Variants in MAX observed in about 807,000 individuals in gnomAD.
MAX encodes protein max.
In MAX, 3 loss-of-function variants were observed where a neutral mutation model predicts 22.3. The ratio of observed to expected loss-of-function variants is 0.13; its 90% CI spans 0.06 to 0.35. The LOEUF (loss-of-function observed/expected upper bound fraction) is 0.35, where lower values mean the gene tolerates loss of function less well. Among genes scored for constraint, MAX ranks in the 10% least tolerant of loss-of-function variants. The probability of loss-of-function intolerance (pLI) is 1.00; values close to 1 mark genes in which losing one functional copy is unlikely to be tolerated. For missense variants in MAX, 119 were observed against 209.4 expected (o/e 0.57, Z 2.66); for synonymous variants, 72 against 77.7 (o/e 0.93, Z 0.39).
intron 3 of MAX, among the ~76,000 whole-genome samples, chr14:65,059,867 G>C (rs997802240): frequency 2.9e-5 from 4 of 135,798 alleles, no homozygotes; most frequent in African/African-American, 1.2e-4. Context: ...ACAGAGTCTC[G>C]CTGTTGCCCA....
rs726668 is a variant in MAX at position 65,029,098 on chromosome 14, A to G, written c.172-22814T>C. Among the ~76,000 whole-genome samples, 91,261 of 151,986 alleles carry G rather than the reference A, an allele frequency of 0.6. 28,828 individuals carry two copies. The highest frequency in any genetic ancestry group is 0.81 in the African/African-American group (33,500 of 41,452). ...AGTAAGGCAGCTTGGTTCCCCTGCC[A>G]AGCACTGTAGCCATATTCTTCCCTG... is the stretch of plus-strand genomic sequence containing the variant. On this transcript the variant is annotated intron_variant, in intron 3 of 3. Coordinates refer to the MAX transcript ENST00000341653. The surrounding 1 kb of genome is among the most constrained non-coding windows in gnomAD (Gnocchi z 4.7).
chr14:65,089,047 G>A (rs2063422548), intron 3 of MAX, among the ~76,000 whole-genome samples: 1 of 152,202 alleles, frequency 6.6e-6, no homozygotes, highest in South Asian at 2.1e-4. Context: ...ATTGTTAGAT[G>A]TAATCCTCTT....
At position 65,047,596 on chromosome 14, in the gene MAX, G is replaced by T. The variant is rs796527231; in HGVS notation, c.172-41312C>A. Among the ~76,000 whole-genome samples, 10 of 152,214 alleles carry T rather than the reference G, an allele frequency of 6.6e-5. 1 individual carries two copies. Among genetic ancestry groups the T allele is most frequent in the African/African-American group, 2.2e-4 (9 of 41,540 alleles). On this transcript the variant is annotated intron_variant, in intron 3 of 3. Coordinates refer to the MAX transcript ENST00000341653. The surrounding 1 kb of genome is among the most constrained non-coding windows in gnomAD (Gnocchi z 5.2). The stretch of plus-strand genomic sequence containing the variant: ...AATAGGTTAAGTCATTTTTTGGAGG[G>T]CAGTTTGGAGACATCCATTTAAATT...
chr14:65,032,782 A>G lies in MAX; in HGVS notation c.172-26498T>C. The stretch of plus-strand genomic sequence containing the variant: ...AGAAAAATAAAGAAAATGCAGAGGG[A>G]CTTGGAAGGAAATACAAAAATCACA... On this transcript the variant is annotated intron_variant, in intron 3 of 3. Coordinates refer to the MAX transcript ENST00000341653. This position sits in a 1 kb window ranked among gnomAD's most constrained non-coding sequence, Gnocchi z 5.0. The G allele has an allele frequency of 7.6e-7, 1 of 1,319,406 alleles. No individual in the cohort carries two copies. The highest frequency in any genetic ancestry group is 1.0e-6 in the Non-Finnish European group (1 of 972,314). The allele number at this position is 1,319,406 out of a possible 1,614,324, so 81.7% of individuals were successfully genotyped here.
chr14:65,067,432 C>T (rs2062941857), intron 3 of MAX, among the ~76,000 whole-genome samples: 1 of 152,052 alleles, frequency 6.6e-6, no homozygotes, highest in Non-Finnish European at 1.5e-5. Flanking sequence ...TCCCAAGATC[C>T]CACCCAGGAC....
chr14:65,076,086 C>T lies in MAX; in HGVS notation c.*390G>A. ...GAGGTGAGGGCGGGCCAGGAGGCCA[C>T]CTGGGCAGGGCAGGCGTCCCCCGGG... is the stretch of plus-strand genomic sequence containing the variant. On this transcript the variant is annotated 3_prime_UTR_variant, in exon 5 of 5. Transcript: ENST00000358664. This position sits in a 1 kb window ranked among gnomAD's most constrained non-coding sequence, Gnocchi z 6.6. The T allele has an allele frequency of 2.4e-6, 3 of 1,244,362 alleles. No homozygotes were observed. Among genetic ancestry groups the T allele is most frequent in the Non-Finnish European group, 3.0e-6 (3 of 990,326 alleles). 77.1% of individuals were successfully genotyped at this position (1,244,362 alleles called of 1,614,324 possible).
chr14:65,061,412 GCCTCA>G, intron 3 of MAX: 1 of 1,511,456 alleles, frequency 6.6e-7, no homozygotes, highest in Non-Finnish European at 8.9e-7. Flanking sequence ...ACAAGCCTTA[GCCTCA>G]GTGGAGCTGT....
At chr14:65,041,386 A>G (rs1021194095) in intron 3 of MAX, among the ~76,000 whole-genome samples, 3 of 152,164 alleles carry the variant, frequency 2.0e-5, no homozygotes, top group Non-Finnish European at 4.4e-5. Flanking sequence ...CCCAACATTT[A>G]TGTCTGGACC....
At chr14:65,049,553 G>C (rs1395599316) in intron 3 of MAX, among the ~76,000 whole-genome samples, 1 of 152,188 alleles carries the variant, frequency 6.6e-6, no homozygotes, top group Non-Finnish European at 1.5e-5. Flanking sequence ...GAAGCTCCTT[G>C]TAGAGCTTTT....
chr14:65,100,319 A>G (rs773656562), intron 2 of MAX, among the ~76,000 whole-genome samples: 7 of 152,080 alleles, frequency 4.6e-5, no homozygotes, highest in Non-Finnish European at 1.0e-4. Context: ...GTGTGGTGGC[A>G]CGCGCCTGTA....
At chr14:65,094,439 G>A (rs2063602878) in intron 2 of MAX, among the ~76,000 whole-genome samples, 1 of 152,246 alleles carries the variant, frequency 6.6e-6, no homozygotes, top group Non-Finnish European at 1.5e-5. Flanking sequence ...TGAATTCTGA[G>A]TTCCTATTTT....
At chr14:65,033,143 C>T (rs1407748466) in intron 3 of MAX, among the ~76,000 whole-genome samples, 1 of 152,066 alleles carries the variant, frequency 6.6e-6, no homozygotes, top group Non-Finnish European at 1.5e-5. Flanking sequence ...GGTATAGTTG[C>T]ATCGGAATAT....
At chr14:65,033,001 G>A (rs954475271) in intron 3 of MAX, among the ~76,000 whole-genome samples, 14 of 152,166 alleles carry the variant, frequency 9.2e-5, no homozygotes, top group South Asian at 2.1e-4. Context: ...GTGCCCTTGC[G>A]TAGGACCCAG....
Position 65,069,886 on chromosome 14 carries a change from G to A in MAX, c.171+23822C>T, listed in dbSNP as rs2062968140. Among the ~76,000 whole-genome samples, 1 of 152,226 alleles carries A rather than the reference G, an allele frequency of 6.6e-6. No homozygotes were observed. Among genetic ancestry groups the A allele is most frequent in the Admixed American group, 6.5e-5 (1 of 15,286 alleles). Reference sequence around the variant, plus strand: ...GTCTCCTACAGCCTTGCTGCAGTAGGTATTCGCTGTGGACATGACATTCCT... The same window carrying A: ...GTCTCCTACAGCCTTGCTGCAGTAGATATTCGCTGTGGACATGACATTCCT... On this transcript the variant is annotated intron_variant, in intron 3 of 3. Coordinates refer to the MAX transcript ENST00000341653. This position sits in a 1 kb window ranked among gnomAD's most constrained non-coding sequence, Gnocchi z 4.6.
At position 65,076,568 on chromosome 14, in the gene MAX, T is replaced by C. The variant is rs1595127131; in HGVS notation, c.391A>G (p.Ile131Val). The change falls in exon 5 of 5, where the codon ATC becomes GTC. Residue 131 changes from isoleucine (I) to valine (V), a missense_variant. Coordinates refer to ENST00000358664, the MANE Select transcript of MAX (RefSeq NM_002382.5). This position sits in a 1 kb window ranked among gnomAD's most constrained non-coding sequence, Gnocchi z 6.6. The stretch of plus-strand genomic sequence containing the variant: ...TCCGAGCCCCCATCGAAGGCAGAGA[T>C]GGTGCTGCCCTTGGCGTTGGTGTAG... ...SLYTNAKGST[I>V]SAFDGGSDSS... The C allele has an allele frequency of 1.2e-6, 2 of 1,614,068 alleles. No individual in the cohort carries two copies. The highest frequency in any genetic ancestry group is 1.7e-6 in the Non-Finnish European group (2 of 1,180,000).
chr14:65,081,319 A>G (rs1425500321), intron 3 of MAX, among the ~76,000 whole-genome samples: 2 of 152,200 alleles, frequency 1.3e-5, no homozygotes, highest in South Asian at 2.1e-4. Context: ...AATACCCCAA[A>G]TTTGCATGTG....
chr14:65,088,522 T>G lies in MAX; in HGVS notation c.171+5186A>C, dbSNP rs984384438. On this transcript the variant is annotated intron_variant, in intron 3 of 4. Transcript: ENST00000358664. This position sits in a 1 kb window ranked among gnomAD's most constrained non-coding sequence, Gnocchi z 5.2. ...GAAGTGGATAGGGCTATAGTTTACATTTCATTTAAACGACAATCCCTCTAG... is the reference window on the plus strand; with the variant it reads ...GAAGTGGATAGGGCTATAGTTTACAGTTCATTTAAACGACAATCCCTCTAG... 6.6e-6 allele frequency among the ~76,000 whole-genome samples: 1 copy of G among 152,222 alleles called. No homozygotes were observed. The highest frequency in any genetic ancestry group is 2.4e-5 in the African/African-American group (1 of 41,454).
Position 65,077,048 on chromosome 14 carries a change from G to T in MAX, c.296-385C>A. 1.8e-6 allele frequency: 1 copy of T among 551,498 alleles called. No homozygotes were observed. The highest frequency in any genetic ancestry group is 2.1e-5 in the South Asian group (1 of 47,872). The allele number at this position is 551,498 out of a possible 1,614,324, so 34.2% of individuals were successfully genotyped here. On this transcript the variant is annotated intron_variant, in intron 4 of 4. Transcript: ENST00000358664. The surrounding 1 kb of genome is among the most constrained non-coding windows in gnomAD (Gnocchi z 6.3). ...CCACAAGGTGTGAGGCCACACAACA[G>T]CAGGAAAGGATGACATAAGACGTAT...
Position 65,054,792 on chromosome 14 carries a change from G to GCTTCCGCCTGTCCA in MAX, c.171+38915_171+38916insTGGACAGGCGGAAG. ...GGCTCTGCATTTCCTGTGTGGACAG[G>GCTTCCGCCTGTCCA]CGGAAGCTTGTGGTCCCTCTGCCCT... On this transcript the variant is annotated intron_variant, in intron 3 of 3. Transcript: ENST00000341653. The surrounding 1 kb of genome is among the most constrained non-coding windows in gnomAD (Gnocchi z 4.4). 1 of 1,304,136 alleles carries GCTTCCGCCTGTCCA rather than the reference G, an allele frequency of 7.7e-7. No homozygotes were observed. Among genetic ancestry groups the GCTTCCGCCTGTCCA allele is most frequent in the Non-Finnish European group, 1.1e-6 (1 of 942,834 alleles). The allele number at this position is 1,304,136 out of a possible 1,614,324, so 80.8% of individuals were successfully genotyped here.
Sources: gnomAD v4.1 joint callset for allele counts (sites outside exome capture counted in the v4.1 genomes callset) on GRCh38, gnomAD v4.1.1 for gene constraint, Gnocchi (gnomAD v3.1) non-coding constraint, MANE v1.5 for transcripts, NCBI Gene and HGNC (gene_info 2026-07-23, HGNC 2026-07-21) for gene names.